The following MYO5B variants were observed in gnomAD, a reference collection of about 807,000 sequenced individuals.
MYO5B encodes unconventional myosin-Vb.
Under a neutral mutation model 229.3 loss-of-function variants are expected in MYO5B, and 143 were observed. The observed-to-expected ratio is 0.62, with a 90% confidence interval of 0.54 to 0.72. The LOEUF (loss-of-function observed/expected upper bound fraction) is 0.72. Among genes scored for constraint, MYO5B ranks in the 30% least tolerant of loss-of-function variants. The pLI is 0.00. For missense variants in MYO5B, 2,321 were observed against 2,331.0 expected (o/e 1.00, Z 0.09); for synonymous variants, 918 against 885.2 (o/e 1.04, Z -0.66).
chr18:49,992,230 A>G (rs2025940637), intron 6 of MYO5B, 58 bp downstream of exon 6: 7 of 1,610,544 alleles, frequency 4.3e-6, no homozygotes, highest in Non-Finnish European at 5.9e-6. Flanking sequence ...GGCAGGGAGC[A>G]GAAGTAAGGT....
intron 1 of MYO5B, among the ~76,000 whole-genome samples, chr18:50,075,820 C>T (rs1427563627): frequency 1.3e-5 from 2 of 152,248 alleles, no homozygotes; most frequent in Admixed American, 6.5e-5. Flanking sequence ...CCCAGGACAA[C>T]AGCTTCCAGC....
intron 4 of MYO5B, among the ~76,000 whole-genome samples, chr18:50,011,520 C>A (rs917360038): frequency 6.6e-6 from 1 of 152,222 alleles, no homozygotes; most frequent in Non-Finnish European, 1.5e-5. Context: ...CCTGCACGTC[C>A]AAAACAGTGC....
At chr18:49,987,560 G>T (rs1266161311) in intron 7 of MYO5B, among the ~76,000 whole-genome samples, 1 of 151,854 alleles carries the variant, frequency 6.6e-6, no homozygotes, top group African/African-American at 2.4e-5. Context: ...AACAGGCAGA[G>T]ATTGGATCAG....
chr18:50,005,192 T>C (rs60591504), intron 4 of MYO5B, among the ~76,000 whole-genome samples: 6,285 of 152,286 alleles, frequency 0.041, 183 homozygotes, highest in African/African-American at 0.084. Flanking sequence ...AGTCTAAGCT[T>C]TTTAGTTGAG....
At chr18:49,879,207 C>T in intron 23 of MYO5B, 117 bp from the exon 24 acceptor site, 2 of 1,268,056 alleles carry the variant, frequency 1.6e-6, no homozygotes, top group Non-Finnish European at 2.3e-6. Context: ...TCATCAGAGG[C>T]TCTTGATGAA....
chr18:50,153,416 T>C (rs931356149), intron 1 of MYO5B, among the ~76,000 whole-genome samples: 21 of 152,106 alleles, frequency 1.4e-4, no homozygotes, highest in Admixed American at 2.6e-4. Flanking sequence ...TTCTTATATA[T>C]TTATAAGCAC....
chr18:49,945,122 T>C (rs1025485188), intron 14 of MYO5B, among the ~76,000 whole-genome samples: 9 of 152,132 alleles, frequency 5.9e-5, no homozygotes, highest in Admixed American at 2.0e-4. Context: ...CGGGGCTTTT[T>C]CCTGCACTTC....
intron 26 of MYO5B, among the ~76,000 whole-genome samples, chr18:49,872,447 C>T (rs944348739): frequency 6.6e-6 from 1 of 152,120 alleles, no homozygotes; most frequent in African/African-American, 2.4e-5. Context: ...CTGTCCCCAC[C>T]CCCACTTTCA....
intron 18 of MYO5B, 79 bp downstream of exon 18, chr18:49,911,983 A>G: frequency 9.4e-7 from 1 of 1,060,506 alleles, no homozygotes; most frequent in Non-Finnish European, 1.5e-6. Flanking sequence ...CCAAAAAAAA[A>G]ATGTAGATAA....
chr18:50,099,192 CA>C (rs1330976467), intron 1 of MYO5B: 1 of 152,186 alleles, frequency 6.6e-6, no homozygotes, highest in African/African-American at 2.4e-5. Context: ...ACCTAAGACA[CA>C]ACAGTGTTCA....
intron 31 of MYO5B, among the ~76,000 whole-genome samples, chr18:49,852,175 C>T (rs965754852): frequency 6.6e-6 from 1 of 152,244 alleles, no homozygotes; most frequent in African/African-American, 2.4e-5. Flanking sequence ...CCTTGGCAAC[C>T]TTGTGTTGGT....
At chr18:49,974,198 G>T in intron 10 of MYO5B, 152 bp downstream of exon 10, 3 of 1,126,720 alleles carry the variant, frequency 2.7e-6, no homozygotes, top group South Asian at 1.3e-5. Context: ...CCATCATTGT[G>T]TCAACTAATC....
At chr18:50,129,446 A>C (rs1272390009) in intron 1 of MYO5B, among the ~76,000 whole-genome samples, 1 of 152,216 alleles carries the variant, frequency 6.6e-6, no homozygotes, top group Non-Finnish European at 1.5e-5. Flanking sequence ...CAGAAAACTC[A>C]AATCACTGGA....
At position 49,936,351 on chromosome 18, in the gene MYO5B, T is replaced by G; in HGVS notation, c.1906-2A>C. On this transcript the variant is annotated splice_acceptor_variant, in intron 15 of 39. Transcript: ENST00000285039. LOFTEE classifies it high-confidence loss of function. ...GAGCAGATGCAGGGAGGTACGGAAC[T>G]AGAGAGACAAAAGCCAGTGCTTGGT... The G allele has an allele frequency of 1.3e-6, 2 of 1,585,962 alleles. No individual in the cohort carries two copies. The highest frequency in any genetic ancestry group is 2.3e-5 in the East Asian group (1 of 44,108).
At chr18:49,836,634 A>G in intron 38 of MYO5B, 77 bp downstream of exon 38, 1 of 1,545,582 alleles carries the variant, frequency 6.5e-7, no homozygotes. Context: ...ACAAATAACC[A>G]CCAACGAGAA....
intron 1 of MYO5B, among the ~76,000 whole-genome samples, chr18:50,087,680 T>C (rs11876744): frequency 0.11 from 16,104 of 151,994 alleles, 1,668 homozygotes; most frequent in African/African-American, 0.27. Flanking sequence ...TAAAAACCTC[T>C]AAATAAACAT....
chr18:49,860,316 C>T (rs1479013372), intron 29 of MYO5B, among the ~76,000 whole-genome samples: 1 of 152,174 alleles, frequency 6.6e-6, no homozygotes, highest in Non-Finnish European at 1.5e-5. Context: ...TCCTAAACCA[C>T]TTCCCCATCC....
rs751792611 is a variant in MYO5B, at chr18:49,962,313, T to C, written c.1498A>G (p.Ile500Val). Reference protein sequence around the residue: ...FYDNQPCIDLIEAKLGILDLL... With the variant: ...FYDNQPCIDLVEAKLGILDLL... Reference sequence around the variant, plus strand: ...TCCAAGATACCCAGCTTGGCTTCAATGAGGTCGATACAAGGTTGGTTATCA... The same window carrying C: ...TCCAAGATACCCAGCTTGGCTTCAACGAGGTCGATACAAGGTTGGTTATCA... Residue 500 changes from isoleucine to valine, a missense_variant, in exon 12 of 40, where the codon ATT becomes GTT. By Grantham distance (29) the Ile-to-Val change is conservative. Coordinates refer to ENST00000285039, the MANE Select transcript of MYO5B (RefSeq NM_001080467.3). 1.9e-6 allele frequency: 3 copies of C among 1,614,194 alleles called. No homozygotes were observed. The highest frequency in any genetic ancestry group is 3.3e-5 in the Admixed American group (2 of 60,028).
chr18:50,173,009 A>G (rs2032940787), intron 1 of MYO5B, among the ~76,000 whole-genome samples: 1 of 152,174 alleles, frequency 6.6e-6, no homozygotes, highest in Non-Finnish European at 1.5e-5. Context: ...CACACCTGTA[A>G]TCTCAGCACT....
Sources: allele counts gnomAD v4.1 joint callset (sites outside exome capture counted in the v4.1 genomes callset), GRCh38; gene constraint gnomAD v4.1.1; transcripts MANE v1.5; gene names NCBI Gene and HGNC (gene_info 2026-07-23, HGNC 2026-07-21).